The following PPFIA4 variants were observed in gnomAD, a reference collection of about 807,000 sequenced individuals.
The protein encoded by PPFIA4 is liprin-alpha-4.
A neutral mutation model predicts 145.7 loss-of-function variants in PPFIA4; 98 were observed. The ratio of observed to expected loss-of-function variants is 0.67; its 90% CI spans 0.57 to 0.80. The LOEUF (loss-of-function observed/expected upper bound fraction) is 0.80. Ranked by LOEUF, PPFIA4 falls within the 30% of genes least tolerant of loss-of-function variation. The pLI, the probability that PPFIA4 is intolerant of heterozygous loss-of-function variation, is 0.00. For synonymous variants in PPFIA4, 628 were observed against 649.6 expected, an observed-to-expected ratio of 0.97 and a Z score of 0.51; for missense variants, 1,457 against 1,632.7, an observed-to-expected ratio of 0.89 and a Z score of 1.85.
chr1:203,070,487 CGG>C (rs1316180835), intron 27 of PPFIA4, among the ~76,000 whole-genome samples: 1 of 143,516 alleles, frequency 7.0e-6, no homozygotes, highest in Non-Finnish European at 1.5e-5. Flanking sequence ...GAGGCTGAGG[CGG>C]GAGTTTTGCT....
At chr1:203,063,719 C>T (rs1347449946) in intron 24 of PPFIA4, 109 bp from the exon 25 acceptor site, 1 of 1,106,022 alleles carries the variant, frequency 9.0e-7, no homozygotes, top group Admixed American at 2.0e-5. Flanking sequence ...CCCTTCCTCC[C>T]TCATGGGTGG....
At position 203,067,758 on chromosome 1, in the gene PPFIA4, G is replaced by C; in HGVS notation, c.3114G>C (p.Glu1038Asp). ...TGAATTATGACCGGAAGGAGCTGGA[G>C]AAGAGGCGAGAGGAGAGCCAGCATG... ...KRLNYDRKELEKRREESQHEI... is the reference protein window; with the variant it reads ...KRLNYDRKELDKRREESQHEI... Residue 1038 changes from glutamate (E) to aspartate (D), a missense_variant, in exon 26 of 30, where the codon GAG (glutamate) becomes GAC (aspartate). By Grantham distance (45) the Glu-to-Asp change is conservative (BLOSUM62 2). Transcript: ENST00000295706. The C allele has an allele frequency of 6.2e-7, 1 of 1,613,836 alleles. No homozygotes were observed. The highest frequency in any genetic ancestry group is 8.5e-7 in the Non-Finnish European group (1 of 1,179,866).
chr1:203,034,726 G>T, intron 1 of PPFIA4: 1 of 456,690 alleles, frequency 2.2e-6, no homozygotes, highest in Non-Finnish European at 4.4e-6. Context: ...GCTGGAGGAG[G>T]AGGACAGGGA....
At chr1:203,064,512 C>T (rs1016521103) in intron 25 of PPFIA4, among the ~76,000 whole-genome samples, 15 of 152,200 alleles carry the variant, frequency 9.9e-5, no homozygotes, top group African/African-American at 3.4e-4. Flanking sequence ...GTCCTCTCCT[C>T]CTCTTTGCTG....
At chr1:203,029,572 T>C (rs2102601100) in intron 1 of PPFIA4, among the ~76,000 whole-genome samples, 1 of 152,348 alleles carries the variant, frequency 6.6e-6, no homozygotes, top group African/African-American at 2.4e-5. Context: ...CAGTATCGGA[T>C]GCATGGAAAT....
rs1192953722 is a variant in PPFIA4 at position 203,061,647 on chromosome 1, G to A, written c.2848-5G>A. Reference sequence around the variant, plus strand: ...CCCCTAACACGCTGCACTCGTTCCTGCTAGGACAGTGAGGAGGGCAGCTGG... The same window carrying A: ...CCCCTAACACGCTGCACTCGTTCCTACTAGGACAGTGAGGAGGGCAGCTGG... On this transcript the variant is annotated splice_polypyrimidine_tract_variant and splice_region_variant and intron_variant, in intron 23 of 29. Coordinates refer to ENST00000295706, the MANE Select transcript of PPFIA4 (RefSeq NM_001304331.2). 1.3e-6 allele frequency: 2 copies of A among 1,565,128 alleles called. No individual in the cohort carries two copies. The highest frequency in any genetic ancestry group is 1.9e-5 in the Admixed American group (1 of 53,374).
At chr1:203,054,154 C>T (rs1467185319) in intron 15 of PPFIA4, 193 bp downstream of exon 15, 1 of 723,504 alleles carries the variant, frequency 1.4e-6, no homozygotes, top group Non-Finnish European at 2.5e-6. Flanking sequence ...GTGGACTTCT[C>T]AGGCTTCACC....
chr1:203,049,865 G>C, intron 13 of PPFIA4, 98 bp downstream of exon 13: 1 of 1,087,764 alleles, frequency 9.2e-7, no homozygotes, highest in Non-Finnish European at 1.3e-6. Flanking sequence ...AGGACCTCAG[G>C]GTCCTCCTCC....
At chr1:203,028,532 C>T (rs77682730) in intron 1 of PPFIA4, among the ~76,000 whole-genome samples, 3,952 of 152,094 alleles carry the variant, frequency 0.026, 171 homozygotes, top group African/African-American at 0.087. Flanking sequence ...GGCAGCTAGC[C>T]GAGGCCTTCG....
In PPFIA4 at chr1:203,059,254, C is replaced by T. The variant is rs751608564; in HGVS notation, c.2484C>T (p.Asp828=). 6.5e-6 allele frequency: 10 copies of T among 1,537,670 alleles called. No homozygotes were observed. In the East Asian group the frequency reaches 1.4e-4, roughly 22 times the overall value. ...PAKLGTQAEK[D]RRLKKKHQLL... The stretch of plus-strand genomic sequence containing the variant: ...AGCTGGGGACCCAGGCAGAGAAGGA[C>T]CGGCGGCTAAAGAAGAAGTAAGAGC... The change falls in exon 20 of 30, where the codon GAC becomes GAT. Residue 828 remains aspartate (D), a synonymous_variant. Coordinates refer to ENST00000295706, the MANE Select transcript of PPFIA4 (RefSeq NM_001304331.2).
At chr1:203,034,883 G>A (rs1659116796) in intron 1 of PPFIA4, 4 of 352,048 alleles carry the variant, frequency 1.1e-5, no homozygotes, top group South Asian at 8.3e-5. Context: ...CAGACAAATT[G>A]AATCCTGGTT....
intron 12 of PPFIA4, among the ~76,000 whole-genome samples, chr1:203,049,267 C>G (rs1660319840): frequency 6.6e-6 from 1 of 152,184 alleles, no homozygotes; most frequent in Non-Finnish European, 1.5e-5. Flanking sequence ...AGCTTCAAAC[C>G]CTGGTGCAGC....
chr1:203,053,229 G>A (rs1660658701), intron 14 of PPFIA4, among the ~76,000 whole-genome samples: 1 of 152,152 alleles, frequency 6.6e-6, no homozygotes, highest in South Asian at 2.1e-4. Flanking sequence ...ACTGTAATGT[G>A]CAAACAAATC....
chr1:203,048,981 G>A lies in PPFIA4; in HGVS notation c.1419+1G>A, dbSNP rs1464437581. On this transcript the variant is annotated splice_donor_variant, in intron 12 of 29. Coordinates refer to ENST00000295706, the MANE Select transcript of PPFIA4 (RefSeq NM_001304331.2). LOFTEE classifies it high-confidence loss of function. This position sits in a 1 kb window ranked among gnomAD's most constrained non-coding sequence, Gnocchi z 5.8. ...GATTGAGGAGCAGCACCACCACAAGGTACCCGGCTGCGGCCAGCCCCGCCC... is the reference window on the plus strand; with the variant it reads ...GATTGAGGAGCAGCACCACCACAAGATACCCGGCTGCGGCCAGCCCCGCCC... 6.5e-7 allele frequency: 1 copy of A among 1,548,240 alleles called. No homozygotes were observed.
chr1:203,034,025 C>T (rs1421873978), intron 1 of PPFIA4, among the ~76,000 whole-genome samples: 1 of 152,060 alleles, frequency 6.6e-6, no homozygotes, highest in Non-Finnish European at 1.5e-5. Context: ...TGTTAGGGCC[C>T]TGTGTTAGAG....
chr1:203,055,543 T>C lies in PPFIA4; in HGVS notation c.1941T>C (p.Gly647=). 6.2e-7 allele frequency: 1 copy of C among 1,614,000 alleles called. No individual in the cohort carries two copies. The highest frequency in any genetic ancestry group is 8.5e-7 in the Non-Finnish European group (1 of 1,179,886). ...ACCTGAAGCAGCTGCGCAAGCGTGG[T>C]TCCATCCCCACCTCTCTGACGGCCC... ...ALNLKQLRKR[G]SIPTSLTALS... The change falls in exon 16 of 30, where the codon GGT becomes GGC. Residue 647 remains glycine (G), a synonymous_variant. Coordinates refer to ENST00000295706, the MANE Select transcript of PPFIA4 (RefSeq NM_001304331.2). The surrounding 1 kb of genome is among the most constrained non-coding windows in gnomAD (Gnocchi z 4.8).
At chr1:203,037,508 C>T (rs1659370975) in intron 1 of PPFIA4, among the ~76,000 whole-genome samples, 1 of 152,342 alleles carries the variant, frequency 6.6e-6, no homozygotes, top group Non-Finnish European at 1.5e-5. Context: ...ACAGTCCTCT[C>T]TGAAAAACGA....
chr1:203,065,827 C>G (rs3737882), intron 25 of PPFIA4, among the ~76,000 whole-genome samples: 21,386 of 152,184 alleles, frequency 0.14, 1,762 homozygotes, highest in South Asian at 0.18. Flanking sequence ...CAGAATGGGG[C>G]TCAAATCCTT....
chr1:203,036,392 G>A (rs1659273089), intron 1 of PPFIA4, among the ~76,000 whole-genome samples: 3 of 152,160 alleles, frequency 2.0e-5, no homozygotes, highest in Admixed American at 1.3e-4. Flanking sequence ...GCTATGCTAC[G>A]GGCTGCCTGG....
Sources: allele counts gnomAD v4.1 joint callset (sites outside exome capture counted in the v4.1 genomes callset), GRCh38; gene constraint gnomAD v4.1.1; non-coding constraint Gnocchi (gnomAD v3.1); transcripts MANE v1.5; gene names NCBI Gene and HGNC (gene_info 2026-07-23, HGNC 2026-07-21).